FGD6: variants seen among roughly 807,000 people sequenced by gnomAD.
The protein encoded by FGD6 is FYVE, RhoGEF and PH domain containing 6.
Under a neutral mutation model 149.4 loss-of-function variants are expected in FGD6, and 90 were observed. The ratio of observed to expected loss-of-function variants is 0.60; its 90% CI spans 0.51 to 0.72. The LOEUF (loss-of-function observed/expected upper bound fraction) is 0.72, where lower values mean the gene tolerates loss of function less well. Among genes scored for constraint, FGD6 ranks in the 30% least tolerant of loss-of-function variants. The pLI is 0.00. For missense variants in FGD6, 1,437 were observed against 1,684.8 expected, an observed-to-expected ratio of 0.85 and a Z score of 2.57; for synonymous variants, 527 against 584.0, an observed-to-expected ratio of 0.90 and a Z score of 1.41.
At chr12:95,204,007 C>A (rs1467641067) in intron 2 of FGD6, among the ~76,000 whole-genome samples, 1 of 152,158 alleles carries the variant, frequency 6.6e-6, no homozygotes, top group Non-Finnish European at 1.5e-5. Context: ...GTACCCATCA[C>A]CTGAATATCA....
intron 2 of FGD6, among the ~76,000 whole-genome samples, chr12:95,201,537 C>T (rs533273607): frequency 6.6e-6 from 1 of 152,234 alleles, no homozygotes; most frequent in Non-Finnish European, 1.5e-5. Flanking sequence ...TTCCAAACAC[C>T]CTACTGCTAG....
chr12:95,099,874 G>A (rs1220698494), intron 14 of FGD6, among the ~76,000 whole-genome samples: 1 of 151,932 alleles, frequency 6.6e-6, no homozygotes, highest in Non-Finnish European at 1.5e-5. Flanking sequence ...AATCTCCCCT[G>A]GTACTAGGGG....
chr12:95,087,087 C>T (rs1371934232), intron 18 of FGD6, among the ~76,000 whole-genome samples: 1 of 152,074 alleles, frequency 6.6e-6, no homozygotes, highest in East Asian at 1.9e-4. Flanking sequence ...GCCTTGGCCT[C>T]CCAAAGTGCT....
chr12:95,176,422 T>C (rs1881134314), intron 2 of FGD6, among the ~76,000 whole-genome samples: 1 of 152,212 alleles, frequency 6.6e-6, no homozygotes, highest in Admixed American at 6.5e-5. Context: ...CATAATTTGA[T>C]ATCTGAAGTA....
intron 14 of FGD6, among the ~76,000 whole-genome samples, chr12:95,096,168 TTAAGTA>T (rs1878225094): frequency 6.6e-6 from 1 of 152,126 alleles, no homozygotes; most frequent in Non-Finnish European, 1.5e-5. Context: ...TGCCCTAACT[TTAAGTA>T]TATTTGAACT....
At chr12:95,135,045 G>A (rs1333422689) in intron 7 of FGD6, among the ~76,000 whole-genome samples, 1 of 152,162 alleles carries the variant, frequency 6.6e-6, no homozygotes, top group Non-Finnish European at 1.5e-5. Flanking sequence ...GGCAGTCCCT[G>A]AAACCATTTG....
chr12:95,140,106 A>G (rs1879801177), intron 6 of FGD6, among the ~76,000 whole-genome samples: 1 of 152,166 alleles, frequency 6.6e-6, no homozygotes, highest in African/African-American at 2.4e-5. Context: ...TTTATATATA[A>G]AGAAAGCTTA....
intron 2 of FGD6, among the ~76,000 whole-genome samples, chr12:95,200,717 T>C (rs1030625550): frequency 2.6e-5 from 4 of 152,210 alleles, no homozygotes; most frequent in Admixed American, 2.0e-4. Flanking sequence ...CCTATTTTTA[T>C]TGCTCCAATC....
intron 15 of FGD6, among the ~76,000 whole-genome samples, chr12:95,094,229 G>A (rs1878165932): frequency 6.6e-6 from 1 of 151,756 alleles, no homozygotes; most frequent in African/African-American, 2.4e-5. Flanking sequence ...GGAATACTAA[G>A]TTTAGCTACA....
intron 16 of FGD6, among the ~76,000 whole-genome samples, chr12:95,092,412 G>A (rs1878086571): frequency 6.6e-6 from 1 of 152,120 alleles, no homozygotes; most frequent in Non-Finnish European, 1.5e-5. Context: ...GTAAATGTGA[G>A]GGCCTGTTTA....
intron 8 of FGD6, among the ~76,000 whole-genome samples, chr12:95,120,457 G>T (rs12830164): frequency 0.073 from 11,123 of 151,656 alleles, 502 homozygotes; most frequent in East Asian, 0.15. Context: ...GAGGGTGAAG[G>T]AGGTGGATCA....
chr12:95,148,770 CATATATT>C (rs1264503774), intron 5 of FGD6, among the ~76,000 whole-genome samples: 1 of 70,140 alleles, frequency 1.4e-5, no homozygotes, highest in Non-Finnish European at 2.3e-5. Context: ...TGTTATATTA[CATATATT>C]ATATATTATA....
intron 2 of FGD6, among the ~76,000 whole-genome samples, chr12:95,180,949 C>T (rs1046656426): frequency 4.0e-5 from 6 of 151,882 alleles, no homozygotes; most frequent in African/African-American, 1.2e-4. Flanking sequence ...CTCCCCCAAC[C>T]CCCAGACTTG....
At chr12:95,165,573 G>A (rs1880785618) in intron 3 of FGD6, among the ~76,000 whole-genome samples, 1 of 151,468 alleles carries the variant, frequency 6.6e-6, no homozygotes, top group South Asian at 2.1e-4. Flanking sequence ...CCCGACCTCA[G>A]GTGATCCGCC....
At chr12:95,173,925 T>TTAC (rs1881060660) in intron 2 of FGD6, among the ~76,000 whole-genome samples, 1 of 152,164 alleles carries the variant, frequency 6.6e-6, no homozygotes, top group Admixed American at 6.6e-5. Context: ...TGATTACACA[T>TTAC]GGTAGGATAC....
At chr12:95,211,389 C>T (rs2056726445) in intron 1 of FGD6, 122 bp from the exon 2 acceptor site, 2 of 1,153,816 alleles carry the variant, frequency 1.7e-6, no homozygotes, top group African/African-American at 3.1e-5. Flanking sequence ...GAGTATGTTA[C>T]ATTATATAGT....
At chr12:95,216,613 T>A (rs2136312681) in intron 1 of FGD6, among the ~76,000 whole-genome samples, 1 of 150,396 alleles carries the variant, frequency 6.6e-6, no homozygotes, top group South Asian at 2.1e-4. Flanking sequence ...AATAAAGCTT[T>A]GTTTACCCTA....
chr12:95,125,834 T>G (rs574840487), intron 8 of FGD6: 1 of 1,010,404 alleles, frequency 9.9e-7, no homozygotes, highest in East Asian at 2.4e-5. Flanking sequence ...GAAAATTCAT[T>G]GTGATCATAG....
At chr12:95,138,838 A>T (rs1879759289) in intron 6 of FGD6, among the ~76,000 whole-genome samples, 1 of 152,174 alleles carries the variant, frequency 6.6e-6, no homozygotes, top group Non-Finnish European at 1.5e-5. Flanking sequence ...TTGCTACCAC[A>T]GCGTCCTATT....
Sources: gnomAD v4.1 joint callset for allele counts (sites outside exome capture counted in the v4.1 genomes callset) on GRCh38, gnomAD v4.1.1 for gene constraint, MANE v1.5 for transcripts, NCBI Gene and HGNC (gene_info 2026-07-23, HGNC 2026-07-21) for gene names.